USP42: variants seen among roughly 807,000 people sequenced by gnomAD.
USP42 encodes the protein ubiquitin specific peptidase 42.
USP42 carries 23 observed loss-of-function variants against 113.0 expected under a neutral mutation model. That is an observed-to-expected ratio of 0.20 (90% confidence interval 0.15 to 0.29). The LOEUF is 0.29. Among genes scored for constraint, USP42 ranks in the 10% least tolerant of loss-of-function variants. The pLI, the probability that USP42 is intolerant of heterozygous loss-of-function variation, is 1.00. For missense variants in USP42, 2,174 were observed against 1,779.8 expected (o/e 1.22, Z -3.99); for synonymous variants, 933 against 699.0 (o/e 1.33, Z -5.28).
chr7:6,113,576 A>G (rs148490281), intron 2 of USP42, among the ~76,000 whole-genome samples: 1 of 152,176 alleles, frequency 6.6e-6, no homozygotes, highest in African/African-American at 2.4e-5. Flanking sequence ...CTTCAGATGG[A>G]GAATGATTCT....
intron 14 of USP42, among the ~76,000 whole-genome samples, chr7:6,150,977 CACAG>C (rs1446959743): frequency 2.6e-5 from 4 of 152,244 alleles, no homozygotes; most frequent in African/African-American, 9.6e-5. Context: ...CAGTGTGTCA[CACAG>C]ACCTAGATGG....
chr7:6,107,435 G>A (rs1416081501), intron 1 of USP42, among the ~76,000 whole-genome samples: 1 of 143,144 alleles, frequency 7.0e-6, no homozygotes, highest in Non-Finnish European at 1.5e-5. Flanking sequence ...TTGAGACGGA[G>A]TTTCACTCTT....
chr7:6,156,653 AGTGAATGTTCTCG>A, intron 15 of USP42, 88 bp from the exon 16 acceptor site: 1 of 1,438,748 alleles, frequency 7.0e-7, no homozygotes, highest in Non-Finnish European at 9.1e-7. Context: ...GTGTCTGCAC[AGTGAATGTTCTCG>A]GTGAATGGGT....
chr7:6,101,652 C>T (rs1405870962), upstream of USP42, among the ~76,000 whole-genome samples: 1 of 151,082 alleles, frequency 6.6e-6, no homozygotes, highest in African/African-American at 2.5e-5. Context: ...GTGGTGCTAG[C>T]TCCTTAGAGG....
intron 2 of USP42, 147 bp from the exon 3 acceptor site, chr7:6,115,176 A>AAAT: frequency 1.3e-6 from 1 of 741,910 alleles, no homozygotes. Flanking sequence ...TCTGTCTTTT[A>AAAT]AAATGTCCCT....
intron 11 of USP42, among the ~76,000 whole-genome samples, chr7:6,147,121 C>G (rs547343500): frequency 1.1e-4 from 16 of 152,138 alleles, no homozygotes; most frequent in Non-Finnish European, 2.2e-4. Context: ...ATATTAAACA[C>G]TGGCATTGGA....
At chr7:6,146,925 A>G (rs1205013123) in intron 11 of USP42, among the ~76,000 whole-genome samples, 1 of 152,214 alleles carries the variant, frequency 6.6e-6, no homozygotes, top group Non-Finnish European at 1.5e-5. Flanking sequence ...GCACCTCCCA[A>G]CCTGGAGCAC....
intron 11 of USP42, 102 bp from the exon 12 acceptor site, chr7:6,147,637 T>C: frequency 7.3e-7 from 1 of 1,363,330 alleles, no homozygotes; most frequent in Non-Finnish European, 9.8e-7. Context: ...ATTTTTTTCA[T>C]CAGGTTTCCG....
chr7:6,089,937 G>T, the USP42 span, among the ~76,000 whole-genome samples: 5 of 150,872 alleles, frequency 3.3e-5, no homozygotes, highest in Admixed American at 2.6e-4. Context: ...GGAGGTGGAG[G>T]CTGCAGCGAG....
At chr7:6,125,063 TC>T (rs1238400493) in intron 3 of USP42, among the ~76,000 whole-genome samples, 1 of 151,320 alleles carries the variant, frequency 6.6e-6, no homozygotes, top group Non-Finnish European at 1.5e-5. Context: ...TGCTTGTAAT[TC>T]CAGTTATTCA....
chr7:6,132,951 G>A (rs995753385), intron 3 of USP42, among the ~76,000 whole-genome samples: 1 of 152,172 alleles, frequency 6.6e-6, no homozygotes, highest in Non-Finnish European at 1.5e-5. Flanking sequence ...GATTACAGGC[G>A]TGAGCCACTG....
At chr7:6,095,090 A>C in the USP42 span, among the ~76,000 whole-genome samples, 1 of 151,236 alleles carries the variant, frequency 6.6e-6, no homozygotes, top group African/African-American at 2.5e-5. Context: ...GCCCAGCCCC[A>C]CTTGGCTTTC....
the USP42 span, chr7:6,085,081 G>C: frequency 4.6e-5 from 7 of 150,646 alleles, no homozygotes; most frequent in South Asian, 1.5e-3. Flanking sequence ...ACTGTGCCCA[G>C]CCTTGTTTTT....
rs753424898 is a variant in USP42 at position 6,150,125 on chromosome 7, TGAG to T, written c.1934_1936del (p.Glu645del). The stretch of plus-strand genomic sequence containing the variant: ...ACTCTCCCGGCCAAGATGCCGAAGA[TGAG>T]GAGGCCACTCCGCACGAGCTTCAAG... On this transcript the variant is annotated inframe_deletion, in exon 13 of 18. Coordinates refer to ENST00000306177, the MANE Select transcript of USP42 (RefSeq NM_032172.3). 2.5e-5 allele frequency: 40 copies of T among 1,613,156 alleles called. No individual in the cohort carries two copies. In the East Asian group the frequency reaches 3.1e-4, roughly 13 times the overall value.
At chr7:6,121,392 G>A (rs929851320) in intron 3 of USP42, among the ~76,000 whole-genome samples, 3 of 152,006 alleles carry the variant, frequency 2.0e-5, no homozygotes, top group African/African-American at 7.2e-5. Flanking sequence ...TGTATTACTG[G>A]CTTTGATTTG....
At chr7:6,122,197 C>T (rs1276436099) in intron 3 of USP42, among the ~76,000 whole-genome samples, 1 of 151,584 alleles carries the variant, frequency 6.6e-6, no homozygotes, top group African/African-American at 2.4e-5. Context: ...TCTTCTTTTC[C>T]AATGTAAGTG....
intron 6 of USP42, 144 bp from the exon 7 acceptor site, chr7:6,140,766 TATTA>T (rs1175055871): frequency 7.0e-6 from 4 of 569,982 alleles, no homozygotes; most frequent in Non-Finnish European, 1.2e-5. Flanking sequence ...TTATGAGTAG[TATTA>T]ATTTAAAACT....
chr7:6,133,497 G>C (rs1334360372), intron 3 of USP42, among the ~76,000 whole-genome samples: 1 of 151,974 alleles, frequency 6.6e-6, no homozygotes, highest in African/African-American at 2.4e-5. Flanking sequence ...AATTACATCT[G>C]GTGTTTTTGT....
chr7:6,154,050 C>G lies in USP42; in HGVS notation c.2496C>G (p.Ser832=). Residue 832 remains serine (S), a synonymous_variant, in exon 15 of 18, where the codon TCC becomes TCG. Transcript: ENST00000306177. ...TAACAGGCGATGCGAGCCCGTTGTC[C>G]CAGGACGCAAAGGGGATGATCGCGG... ...GSLTGDASPL[S]QDAKGMIAEG... The G allele has an allele frequency of 6.2e-7, 1 of 1,605,842 alleles. No individual in the cohort carries two copies. The highest frequency in any genetic ancestry group is 8.5e-7 in the Non-Finnish European group (1 of 1,179,332).
Sources: allele counts gnomAD v4.1 joint callset (sites outside exome capture counted in the v4.1 genomes callset), GRCh38; gene constraint gnomAD v4.1.1; transcripts MANE v1.5; gene names NCBI Gene and HGNC (gene_info 2026-07-23, HGNC 2026-07-21).